Variants in SPOCK1 observed in about 807,000 individuals in gnomAD.
SPOCK1 encodes the protein testican-1.
In SPOCK1, 23 loss-of-function variants were observed where a neutral mutation model predicts 55.3. That is an observed-to-expected ratio of 0.42 (90% CI 0.30 to 0.59). The LOEUF is 0.59. Among genes scored for constraint, SPOCK1 ranks in the 20% least tolerant of loss-of-function variants. The pLI is 0.22. For synonymous variants in SPOCK1, 226 were observed against 221.0 expected, an observed-to-expected ratio of 1.02 and a Z score of -0.20; for missense variants, 499 against 552.5, an observed-to-expected ratio of 0.90 and a Z score of 0.97.
At chr5:137,036,854 T>A (rs1751894826) in intron 6 of SPOCK1, among the ~76,000 whole-genome samples, 1 of 152,038 alleles carries the variant, frequency 6.6e-6, no homozygotes, top group Non-Finnish European at 1.5e-5. Context: ...ATTTCTCTCC[T>A]CAGAAGGAAA....
intron 2 of SPOCK1, among the ~76,000 whole-genome samples, chr5:137,453,617 A>G (rs1753304276): frequency 6.6e-6 from 1 of 152,212 alleles, no homozygotes; most frequent in Non-Finnish European, 1.5e-5. Flanking sequence ...AAAAGGTTTC[A>G]TTCCATCCAA....
rs779264709 is a variant in SPOCK1 at position 137,067,824 on chromosome 5, T to C, written c.480A>G (p.Lys160=). 12 of 1,613,604 alleles carry C rather than the reference T, an allele frequency of 7.4e-6. No individual in the cohort carries two copies. The highest frequency in any genetic ancestry group is 5.0e-5 in the Admixed American group (3 of 59,992). ...CAGTAGAACAAGCATGGAACTCCAATTTGCACTGCAAAAGAGAGACACAAC... is the reference window on the plus strand; with the variant it reads ...CAGTAGAACAAGCATGGAACTCCAACTTGCACTGCAAAAGAGAGACACAAC... ...SDGHSYTSKC[K]LEFHACSTGK... is the part of the protein sequence containing the mutation. Residue 160 remains lysine, a synonymous_variant, in exon 6 of 11, where the codon AAA becomes AAG. Transcript: ENST00000394945.
intron 2 of SPOCK1, among the ~76,000 whole-genome samples, chr5:137,355,387 C>CTA (rs1750770183): frequency 6.6e-6 from 1 of 152,092 alleles, no homozygotes; most frequent in Non-Finnish European, 1.5e-5. Flanking sequence ...CAGGGTCTCA[C>CTA]TATGTTACCC....
At chr5:137,250,134 C>T (rs2127105532) in intron 3 of SPOCK1, among the ~76,000 whole-genome samples, 1 of 152,266 alleles carries the variant, frequency 6.6e-6, no homozygotes, top group African/African-American at 2.4e-5. Flanking sequence ...TTATGAAATT[C>T]AAATTTCAGT....
At chr5:137,218,004 A>G (rs1197081405) in intron 3 of SPOCK1, among the ~76,000 whole-genome samples, 1 of 152,134 alleles carries the variant, frequency 6.6e-6, no homozygotes, top group Non-Finnish European at 1.5e-5. Context: ...AGATTTGGCA[A>G]GACCCAGCTC....
chr5:137,304,182 G>A (rs774610223), intron 2 of SPOCK1, among the ~76,000 whole-genome samples: 14 of 152,076 alleles, frequency 9.2e-5, no homozygotes, highest in Non-Finnish European at 2.1e-4. Flanking sequence ...ATCACCTGGA[G>A]AAAACCACAG....
intron 5 of SPOCK1, among the ~76,000 whole-genome samples, chr5:137,070,473 G>A (rs547411235): frequency 6.6e-6 from 1 of 152,292 alleles, no homozygotes; most frequent in South Asian, 2.1e-4. Context: ...CATAGAGTAG[G>A]TGTTCAATAA....
intron 2 of SPOCK1, among the ~76,000 whole-genome samples, chr5:137,435,620 T>G (rs1752847723): frequency 6.6e-6 from 1 of 152,206 alleles, no homozygotes; most frequent in African/African-American, 2.4e-5. Flanking sequence ...TAAAATGTAT[T>G]TCTTTAAGTA....
At chr5:137,056,117 G>T (rs1329333215) in intron 6 of SPOCK1, among the ~76,000 whole-genome samples, 1 of 152,192 alleles carries the variant, frequency 6.6e-6, no homozygotes, top group Non-Finnish European at 1.5e-5. Context: ...GCCATGCACT[G>T]TCCTGGGCAT....
At chr5:137,473,773 T>C (rs1042300128) in intron 2 of SPOCK1, among the ~76,000 whole-genome samples, 12 of 152,198 alleles carry the variant, frequency 7.9e-5, no homozygotes, top group African/African-American at 2.4e-4. Context: ...GAGCTAGCTG[T>C]CTACAGCACC....
intron 3 of SPOCK1, among the ~76,000 whole-genome samples, chr5:137,157,641 C>A (rs909599921): frequency 6.6e-6 from 1 of 152,330 alleles, no homozygotes; most frequent in Non-Finnish European, 1.5e-5. Flanking sequence ...ATAGAGTTTT[C>A]TGTTAATCAC....
At chr5:137,397,532 G>A (rs939477071) in intron 2 of SPOCK1, among the ~76,000 whole-genome samples, 1 of 152,266 alleles carries the variant, frequency 6.6e-6, no homozygotes, top group Admixed American at 6.5e-5. Flanking sequence ...CTGGATGTCA[G>A]GTTTATTCAT....
intron 5 of SPOCK1, among the ~76,000 whole-genome samples, chr5:137,089,393 T>C (rs906668707): frequency 5.9e-5 from 9 of 152,186 alleles, no homozygotes; most frequent in Non-Finnish European, 1.3e-4. Flanking sequence ...GCAGCTGTCA[T>C]GGCCAACATA....
chr5:137,158,549 A>G (rs1754465923), intron 3 of SPOCK1, among the ~76,000 whole-genome samples: 1 of 152,140 alleles, frequency 6.6e-6, no homozygotes, highest in African/African-American at 2.4e-5. Flanking sequence ...GAACCTTAAT[A>G]CTGTGAAGGC....
intron 2 of SPOCK1, among the ~76,000 whole-genome samples, chr5:137,347,671 G>A (rs1282193828): frequency 6.6e-6 from 1 of 152,022 alleles, no homozygotes; most frequent in Admixed American, 6.6e-5. Context: ...GAGCCAAGAT[G>A]GCACTGCTGC....
chr5:137,060,104 A>G (rs1227968072), intron 6 of SPOCK1, among the ~76,000 whole-genome samples: 1 of 152,190 alleles, frequency 6.6e-6, no homozygotes, highest in East Asian at 1.9e-4. Flanking sequence ...TTGGGTATTT[A>G]CCCAAAGGAA....
At chr5:137,246,127 C>T (rs1252141297) in intron 3 of SPOCK1, among the ~76,000 whole-genome samples, 2 of 152,200 alleles carry the variant, frequency 1.3e-5, no homozygotes, top group East Asian at 3.8e-4. Flanking sequence ...ACTCTATCTA[C>T]TGAGAGGAAA....
intron 3 of SPOCK1, among the ~76,000 whole-genome samples, chr5:137,188,414 G>A (rs756625674): frequency 3.7e-4 from 57 of 152,178 alleles, no homozygotes; most frequent in Non-Finnish European, 6.8e-4. Flanking sequence ...GTCACATCTT[G>A]GTAATTCTTG....
intron 5 of SPOCK1, among the ~76,000 whole-genome samples, chr5:137,098,919 G>T (rs532171809): frequency 2.0e-5 from 3 of 152,178 alleles, no homozygotes; most frequent in Non-Finnish European, 4.4e-5. Context: ...GGCTCCTCCG[G>T]CTGCTGCTCA....
Sources: gnomAD v4.1 joint callset for allele counts (sites outside exome capture counted in the v4.1 genomes callset) on GRCh38, gnomAD v4.1.1 for gene constraint, MANE v1.5 for transcripts, NCBI Gene and HGNC (gene_info 2026-07-23, HGNC 2026-07-21) for gene names.